The following MET variants were observed in gnomAD, a reference collection of about 807,000 sequenced individuals.
MET encodes the protein hepatocyte growth factor receptor.
A neutral mutation model predicts 133.1 loss-of-function variants in MET; 48 were observed. The observed-to-expected ratio is 0.36, with a 90% CI of 0.29 to 0.46. The LOEUF (loss-of-function observed/expected upper bound fraction) is 0.46. Among genes scored for constraint, MET ranks in the 20% least tolerant of loss-of-function variants. MET has a pLI of 1.00. For synonymous variants in MET, 628 were observed against 616.5 expected, an observed-to-expected ratio of 1.02 and a Z score of -0.28; for missense variants, 1,442 against 1,695.9, an observed-to-expected ratio of 0.85 and a Z score of 2.63.
At chr7:116,776,120 C>A (rs1794988070) in intron 15 of MET, among the ~76,000 whole-genome samples, 1 of 151,520 alleles carries the variant, frequency 6.6e-6, no homozygotes, top group Admixed American at 6.6e-5. Flanking sequence ...GGCCTCTGAT[C>A]CCTTTTATTC....
At chr7:116,759,308 G>A (rs1292398565) in intron 9 of MET, 83 bp from the exon 10 acceptor site, 1 of 1,558,792 alleles carries the variant, frequency 6.4e-7, no homozygotes, top group African/African-American at 1.4e-5. Flanking sequence ...AATCAGTGCA[G>A]GTGATTAAAT....
chr7:116,758,247 T>C (rs1341850825), intron 8 of MET, among the ~76,000 whole-genome samples: 1 of 152,070 alleles, frequency 6.6e-6, no homozygotes, highest in Non-Finnish European at 1.5e-5. Context: ...TTTTTTCAAA[T>C]CTCAAATGTT....
At chr7:116,741,219 G>C (rs569292290) in intron 5 of MET, 194 bp downstream of exon 5, 3 of 641,568 alleles carry the variant, frequency 4.7e-6, no homozygotes, top group African/African-American at 3.7e-5. Context: ...CCCTCGGGCA[G>C]GGAGGGGGTG....
chr7:116,731,676 G>C lies in MET; in HGVS notation c.1209G>C (p.Leu403=), dbSNP rs2116779336. 6.2e-7 allele frequency: 1 copy of C among 1,614,038 alleles called. No individual in the cohort carries two copies. The highest frequency in any genetic ancestry group is 8.5e-7 in the Non-Finnish European group (1 of 1,179,944). Residue 403 remains leucine, a synonymous_variant, in exon 3 of 21, where the codon CTG becomes CTC. Transcript: ENST00000397752. ...NHEHCFNRTL[L]RNSSGCEARR... is the part of the protein sequence containing the mutation. The stretch of plus-strand genomic sequence containing the variant: ...ACCATATTTTATTCCAGACACTTCT[G>C]AGAAATTCATCAGGCTGTGAAGCGC...
chr7:116,718,960 CATGT>C (rs1792359481), intron 2 of MET, among the ~76,000 whole-genome samples: 2 of 144,752 alleles, frequency 1.4e-5, no homozygotes, highest in Admixed American at 7.0e-5. Context: ...CATACGTGTG[CATGT>C]GTCTTTATAG....
intron 14 of MET, among the ~76,000 whole-genome samples, chr7:116,774,242 C>T (rs972243078): frequency 5.9e-5 from 9 of 152,188 alleles, no homozygotes; most frequent in African/African-American, 2.2e-4. Context: ...ATGCTTACCC[C>T]TTTCATAGTG....
intron 1 of MET, among the ~76,000 whole-genome samples, chr7:116,683,032 A>G (rs1209527272): frequency 6.6e-6 from 1 of 152,030 alleles, no homozygotes; most frequent in Non-Finnish European, 1.5e-5. Context: ...TACCCACCTT[A>G]CAACTCTTCC....
chr7:116,768,940 AAAT>A (rs1399336597), intron 11 of MET, among the ~76,000 whole-genome samples: 2 of 152,198 alleles, frequency 1.3e-5, no homozygotes, highest in African/African-American at 4.8e-5. Context: ...AATTTTTAAA[AAAT>A]TTTTGTGTAA....
chr7:116,740,514 G>A (rs1218954381), intron 4 of MET, among the ~76,000 whole-genome samples: 1 of 152,160 alleles, frequency 6.6e-6, no homozygotes, highest in Non-Finnish European at 1.5e-5. Flanking sequence ...ATTCAAGTGT[G>A]TTTTCCCACC....
At chr7:116,746,014 T>C (rs182191423) in intron 5 of MET, among the ~76,000 whole-genome samples, 1 of 151,894 alleles carries the variant, frequency 6.6e-6, no homozygotes. Context: ...TGGGAGAAAA[T>C]TTTTGCAATC....
rs1794277835 is a variant in MET at position 116,758,567 on chromosome 7, T to C, written c.2211T>C (p.Ser737=). The change falls in exon 9 of 21, where the codon AGT becomes AGC. Residue 737 remains serine (S), a synonymous_variant. Coordinates refer to ENST00000397752, the MANE Select transcript of MET (RefSeq NM_000245.4). ...DLANRETSIF[S]YREDPIVYEI... ...CCAACCGAGAGACAAGCATCTTCAGTTACCGTGAAGATCCCATTGTCTATG... is the reference window on the plus strand; with the variant it reads ...CCAACCGAGAGACAAGCATCTTCAGCTACCGTGAAGATCCCATTGTCTATG... 3 of 1,613,702 alleles carry C rather than the reference T, an allele frequency of 1.9e-6. No homozygotes were observed. The highest frequency in any genetic ancestry group is 1.7e-5 in the Admixed American group (1 of 59,962).
intron 19 of MET, among the ~76,000 whole-genome samples, chr7:116,787,470 A>G (rs1795351345): frequency 6.6e-6 from 1 of 152,236 alleles, no homozygotes; most frequent in Non-Finnish European, 1.5e-5. Flanking sequence ...AAGGGGCCAC[A>G]TGTGCTGAAG....
At chr7:116,744,000 A>G (rs1257606547) in intron 5 of MET, among the ~76,000 whole-genome samples, 1 of 152,198 alleles carries the variant, frequency 6.6e-6, no homozygotes, top group African/African-American at 2.4e-5. Flanking sequence ...AACATAAACA[A>G]AAAGAACGTC....
At chr7:116,689,417 T>C (rs1239045696) in intron 1 of MET, among the ~76,000 whole-genome samples, 1 of 152,192 alleles carries the variant, frequency 6.6e-6, no homozygotes, top group African/African-American at 2.4e-5. Context: ...CCCCATTTGC[T>C]GACGACTAGG....
At chr7:116,740,757 A>G (rs1793412085) in intron 4 of MET, 95 bp from the exon 5 acceptor site, 1 of 1,476,072 alleles carries the variant, frequency 6.8e-7, no homozygotes, top group Non-Finnish European at 9.4e-7. Context: ...ATTCCATCAA[A>G]TGATATTTAC....
intron 2 of MET, among the ~76,000 whole-genome samples, chr7:116,700,656 T>A (rs1049322936): frequency 6.6e-6 from 1 of 152,200 alleles, no homozygotes; most frequent in Non-Finnish European, 1.5e-5. Flanking sequence ...CCATAAAACA[T>A]AATTATTGAC....
Position 116,688,328 on chromosome 7 carries a change from G to A in MET, c.-14-10743G>A, listed in dbSNP as rs141978615. Among the ~76,000 whole-genome samples the A allele has an allele frequency of 1.8e-3, 269 of 152,080 alleles. 2 individuals are homozygous for A. Among genetic ancestry groups the A allele is most frequent in the African/African-American group, 6.1e-3 (255 of 41,484 alleles). On this transcript the variant is annotated intron_variant, in intron 1 of 20. Transcript: ENST00000397752. Reference sequence around the variant, plus strand: ...TCCTGGATTAATTGAACAAAAACTGGTAACACTGCTACACAGTCTGAATCA... The same window carrying A: ...TCCTGGATTAATTGAACAAAAACTGATAACACTGCTACACAGTCTGAATCA...
At position 116,740,985 on chromosome 7, in the gene MET, G is replaced by C. The variant is rs755487203; in HGVS notation, c.1661G>C (p.Gly554Ala). The change falls in exon 5 of 21, where the codon GGG (glycine) becomes GCG (alanine). Residue 554 changes from glycine to alanine, a missense_variant. Physicochemically the swap from Gly to Ala is moderately conservative, Grantham distance 60. Coordinates refer to ENST00000397752, the MANE Select transcript of MET (RefSeq NM_000245.4). ...GTGCGATCGGAGGAATGCCTGAGCG[G>C]GACATGGACTCAACAGATCTGTCTG... ...KCVRSEECLSGTWTQQICLPA... is the reference protein window; with the variant it reads ...KCVRSEECLSATWTQQICLPA... 1.2e-6 allele frequency: 2 copies of C among 1,614,012 alleles called. No individual in the cohort carries two copies. The highest frequency in any genetic ancestry group is 2.2e-5 in the East Asian group (1 of 44,870).
At chr7:116,693,072 A>G (rs944694811) in intron 1 of MET, among the ~76,000 whole-genome samples, 2 of 152,238 alleles carry the variant, frequency 1.3e-5, no homozygotes, top group Non-Finnish European at 2.9e-5. Flanking sequence ...CACTACCAAT[A>G]TAAATATTAA....
Sources: gnomAD v4.1 joint callset for allele counts (sites outside exome capture counted in the v4.1 genomes callset) on GRCh38, gnomAD v4.1.1 for gene constraint, MANE v1.5 for transcripts, NCBI Gene and HGNC (gene_info 2026-07-23, HGNC 2026-07-21) for gene names.